Variants in RUFY3 observed in about 807,000 individuals in gnomAD.
The protein encoded by RUFY3 is RUN and FYVE domain containing 3, also known as protein RUFY3.
A neutral mutation model predicts 84.0 loss-of-function variants in RUFY3; 34 were observed. That is an observed-to-expected ratio of 0.40 (90% CI 0.31 to 0.54). The LOEUF (loss-of-function observed/expected upper bound fraction) is 0.54. Ranked by LOEUF, RUFY3 falls within the 20% of genes least tolerant of loss-of-function variation. The pLI is 0.39. For synonymous variants in RUFY3, 242 were observed against 252.9 expected (o/e 0.96, Z 0.41); for missense variants, 507 against 736.8 (o/e 0.69, Z 3.61).
chr4:70,705,086 C>A, exon 1 of RUFY3: 1 of 1,321,458 alleles, frequency 7.6e-7, no homozygotes, highest in South Asian at 2.1e-5. Context: ...CGCCGGCCTC[C>A]CCCGCCGGGC....
At position 70,763,571 on chromosome 4, in the gene RUFY3, A is replaced by C. The variant is rs1370469246; in HGVS notation, c.372A>C (p.Gly124=). The part of the protein sequence containing the change: ...HGLKAKKTFL[G]QNKSFWGPLE... ...CCTTAGCTAAAAAAACTTTTCTCGGACAAAATAAATCCTTCTGGGGGCCTC... is the reference window on the plus strand; with the variant it reads ...CCTTAGCTAAAAAAACTTTTCTCGGCCAAAATAAATCCTTCTGGGGGCCTC... Residue 124 remains glycine, a synonymous_variant, in exon 3 of 18, where the codon GGA becomes GGC. Transcript: ENST00000381006. The C allele has an allele frequency of 1.2e-6, 2 of 1,606,156 alleles. No homozygotes were observed. Among genetic ancestry groups the C allele is most frequent in the Admixed American group, 3.5e-5 (2 of 57,680 alleles).
At chr4:70,789,360 C>T in intron 11 of RUFY3, 135 bp from the exon 12 acceptor site, 4 of 896,864 alleles carry the variant, frequency 4.5e-6, no homozygotes, top group African/African-American at 1.7e-5. Context: ...GCTTTTTTTT[C>T]CATTTCAGGA....
chr4:70,735,389 C>T (rs1720104631), intron 1 of RUFY3, among the ~76,000 whole-genome samples: 1 of 152,084 alleles, frequency 6.6e-6, no homozygotes, highest in Admixed American at 6.6e-5. Context: ...TGAGCTTTTC[C>T]AGAGAACAAA....
intron 6 of RUFY3, among the ~76,000 whole-genome samples, chr4:70,774,653 A>ATG (rs1727604552): frequency 7.9e-6 from 1 of 125,972 alleles, no homozygotes; most frequent in Admixed American, 8.2e-5. Context: ...AAATATATAT[A>ATG]TATATATATA....
intron 7 of RUFY3, 28 bp downstream of exon 7, chr4:70,775,261 A>C: frequency 7.1e-7 from 1 of 1,417,732 alleles, no homozygotes; most frequent in Non-Finnish European, 9.8e-7. Context: ...ATATTACTTT[A>C]CTGGGGAATT....
chr4:70,739,998 A>G (rs1189947733), intron 1 of RUFY3, among the ~76,000 whole-genome samples: 6 of 151,806 alleles, frequency 4.0e-5, no homozygotes, highest in African/African-American at 1.5e-4. Context: ...CTCAAAAAAA[A>G]AAAAAAAAAA....
chr4:70,763,344 G>T (rs570961590), intron 2 of RUFY3, among the ~76,000 whole-genome samples: 1 of 152,176 alleles, frequency 6.6e-6, no homozygotes, highest in South Asian at 2.1e-4. Context: ...CAAACTGTTT[G>T]TGAAAGAAGA....
At chr4:70,764,623 A>G (rs200154270) in intron 4 of RUFY3, 47 bp downstream of exon 4, 105 of 1,158,052 alleles carry the variant, frequency 9.1e-5, no homozygotes, top group Non-Finnish European at 1.1e-4. Flanking sequence ...TATGTTCTAC[A>G]TCGTATAAAG....
chr4:70,704,972 C>A lies in RUFY3; in HGVS notation c.36C>A (p.Ala12=), dbSNP rs573459629. The A allele has an allele frequency of 3.1e-4, 376 of 1,228,852 alleles. 5 individuals are homozygous for A. In the South Asian group the frequency reaches 0.012, roughly 41 times the overall value. The allele number at this position is 1,228,852 out of a possible 1,614,324, so 76.1% of individuals were successfully genotyped here. A position where few individuals can be genotyped will look rare whatever the true frequency, so the allele number is the denominator to read the frequency against. Reference sequence around the variant, plus strand: ...CCCCGCCGCCGCCCACCGCTGGTGCCGAAAGTTGCAGCGAGGAGCCGGCGA... The same window carrying A: ...CCCCGCCGCCGCCCACCGCTGGTGCAGAAAGTTGCAGCGAGGAGCCGGCGA... The change falls in exon 1 of 12, where the codon GCC becomes GCA. Residue 12 remains alanine (A), a synonymous_variant. Transcript: ENST00000417478.
At chr4:70,794,740 A>G in intron 13 of RUFY3, 55 bp from the exon 14 acceptor site, 2 of 1,133,298 alleles carry the variant, frequency 1.8e-6, no homozygotes, top group Non-Finnish European at 2.7e-6. Context: ...TCTTTAGAGA[A>G]TATGTCTGTA....
chr4:70,744,523 G>A (rs1434315318), intron 1 of RUFY3, among the ~76,000 whole-genome samples: 1 of 152,074 alleles, frequency 6.6e-6, no homozygotes, highest in Non-Finnish European at 1.5e-5. Flanking sequence ...TTAATAGATA[G>A]AGTGTTAACA....
intron 1 of RUFY3, among the ~76,000 whole-genome samples, chr4:70,716,297 C>T (rs981357067): frequency 6.6e-6 from 1 of 151,836 alleles, no homozygotes; most frequent in Non-Finnish European, 1.5e-5. Context: ...AGGCACGTAC[C>T]ACATTGCCTG....
chr4:70,763,266 T>G (rs1339985953), intron 2 of RUFY3, among the ~76,000 whole-genome samples: 1 of 152,224 alleles, frequency 6.6e-6, no homozygotes, highest in Non-Finnish European at 1.5e-5. Flanking sequence ...GCTGTTTTCT[T>G]CATTAATACC....
chr4:70,794,901 T>C lies in RUFY3; in HGVS notation c.1557+7T>C. The C allele has an allele frequency of 6.5e-7, 1 of 1,539,356 alleles. No homozygotes were observed. The highest frequency in any genetic ancestry group is 9.0e-7 in the Non-Finnish European group (1 of 1,114,988). Reference sequence around the variant, plus strand: ...GAAGTCAGAATCCAAGATGGTAATATTTGCTATTCCCTTGTTCTTTTACTT... The same window carrying C: ...GAAGTCAGAATCCAAGATGGTAATACTTGCTATTCCCTTGTTCTTTTACTT... On this transcript the variant is annotated splice_region_variant and intron_variant, in intron 14 of 17. Transcript: ENST00000381006.
chr4:70,727,021 C>T (rs915316523), intron 1 of RUFY3, among the ~76,000 whole-genome samples: 11 of 145,752 alleles, frequency 7.5e-5, no homozygotes, highest in East Asian at 2.0e-4. Context: ...TTTGTGAAAG[C>T]GTAGTGGGAT....
chr4:70,786,024 A>T (rs1040251317), intron 10 of RUFY3, among the ~76,000 whole-genome samples: 4 of 152,200 alleles, frequency 2.6e-5, no homozygotes, highest in Admixed American at 2.6e-4. Flanking sequence ...ACTTGAATGG[A>T]TAAAGAAAGC....
At chr4:70,740,027 C>T (rs1321310534) in intron 1 of RUFY3, among the ~76,000 whole-genome samples, 3 of 150,430 alleles carry the variant, frequency 2.0e-5, no homozygotes, top group African/African-American at 7.3e-5. Context: ...CACCCATAGA[C>T]CTGTTTCAGG....
chr4:70,804,393 C>G lies in RUFY3; in HGVS notation c.1696C>G (p.Gln566Glu). The change falls in exon 17 of 18, where the codon CAG becomes GAG. Residue 566 changes from glutamine (Q) to glutamate (E), a missense_variant. Gln to Glu is a conservative substitution (Grantham distance 29, BLOSUM62 2). Transcript: ENST00000381006. ...AAAGCCACAGTTGTGTCAGCTATGCCAGGAAGACGGCAGCCTAACAAAGGT... is the reference window on the plus strand; with the variant it reads ...AAAGCCACAGTTGTGTCAGCTATGCGAGGAAGACGGCAGCCTAACAAAGGT... ...SEKPQLCQLC[Q>E]EDGSLTKNVC... 2 of 1,613,960 alleles carry G rather than the reference C, an allele frequency of 1.2e-6. No individual in the cohort carries two copies. The highest frequency in any genetic ancestry group is 8.5e-7 in the Non-Finnish European group (1 of 1,179,932).
chr4:70,747,453 CTGGTATA>C (rs1722407991), intron 1 of RUFY3, among the ~76,000 whole-genome samples: 1 of 150,976 alleles, frequency 6.6e-6, no homozygotes, highest in African/African-American at 2.4e-5. Context: ...TGCTGCCTCT[CTGGTATA>C]TACATCCATT....
Sources: gnomAD v4.1 joint callset for allele counts (sites outside exome capture counted in the v4.1 genomes callset) on GRCh38, gnomAD v4.1.1 for gene constraint, MANE v1.5 for transcripts, NCBI Gene and HGNC (gene_info 2026-07-23, HGNC 2026-07-21) for gene names.